Variants in NELL1 observed in about 807,000 individuals in gnomAD.
NELL1 encodes neural EGFL like 1, also known as protein kinase C-binding protein NELL1.
NELL1 carries 76 observed loss-of-function variants against 107.4 expected under a neutral mutation model. The observed-to-expected ratio is 0.71, with a 90% CI of 0.59 to 0.86. NELL1 has a LOEUF of 0.86. Ranked by LOEUF, NELL1 falls within the 40% of genes least tolerant of loss-of-function variation. NELL1 has a pLI of 0.00. For missense variants in NELL1, 1,024 were observed against 1,005.5 expected (o/e 1.02, Z -0.25); for synonymous variants, 353 against 341.2 (o/e 1.03, Z -0.38).
At chr11:21,419,465 A>T (rs1049819878) in intron 15 of NELL1, among the ~76,000 whole-genome samples, 64 of 152,272 alleles carry the variant, frequency 4.2e-4, no homozygotes, top group African/African-American at 1.3e-3. Context: ...TTTAGGGGTC[A>T]CGGAAATAGA....
At chr11:21,203,885 A>C (rs566465332) in intron 13 of NELL1, among the ~76,000 whole-genome samples, 1 of 152,222 alleles carries the variant, frequency 6.6e-6, no homozygotes, top group African/African-American at 2.4e-5. Flanking sequence ...GTTTGGCTGG[A>C]GATGATCTTC....
chr11:21,188,274 G>A (rs1336546578), intron 13 of NELL1, among the ~76,000 whole-genome samples: 3 of 151,814 alleles, frequency 2.0e-5, no homozygotes, highest in African/African-American at 7.3e-5. Context: ...GCCTGGGGCT[G>A]GGACAGTTCT....
intron 15 of NELL1, among the ~76,000 whole-genome samples, chr11:21,509,247 G>GA (rs1855375124): frequency 1.3e-5 from 2 of 152,006 alleles, no homozygotes; most frequent in African/African-American, 2.4e-5. Context: ...TGGAGCAACA[G>GA]AAAAAAATGT....
chr11:21,542,024 C>A (rs1464548440), intron 16 of NELL1, among the ~76,000 whole-genome samples: 1 of 152,024 alleles, frequency 6.6e-6, no homozygotes, highest in Non-Finnish European at 1.5e-5. Context: ...AGTGAGCAAA[C>A]AAGGGAAAGA....
At chr11:21,036,872 G>T (rs958335017) in intron 12 of NELL1, among the ~76,000 whole-genome samples, 1 of 151,942 alleles carries the variant, frequency 6.6e-6, no homozygotes, top group Non-Finnish European at 1.5e-5. Flanking sequence ...TTAAAAACAT[G>T]AAAAACATTT....
intron 15 of NELL1, among the ~76,000 whole-genome samples, chr11:21,449,712 G>A (rs967053210): frequency 3.3e-5 from 5 of 152,206 alleles, no homozygotes; most frequent in African/African-American, 1.2e-4. Context: ...TTCATTTTGA[G>A]TTCATTTTTG....
intron 10 of NELL1, among the ~76,000 whole-genome samples, chr11:20,939,276 A>G (rs1258194042): frequency 6.6e-6 from 1 of 151,902 alleles, no homozygotes; most frequent in Non-Finnish European, 1.5e-5. Flanking sequence ...CAAGTAGCCA[A>G]AACCTCCCCT....
chr11:21,364,403 T>C (rs1851163678), intron 14 of NELL1, among the ~76,000 whole-genome samples: 1 of 95,482 alleles, frequency 1.0e-5, no homozygotes, highest in Non-Finnish European at 1.8e-5. Context: ...ACAGCAAGAC[T>C]CTGTCTCAAA....
intron 16 of NELL1, among the ~76,000 whole-genome samples, chr11:21,545,530 T>G (rs2133983451): frequency 6.6e-6 from 1 of 152,084 alleles, no homozygotes; most frequent in Middle Eastern, 3.4e-3. Flanking sequence ...TGTAGTGTGG[T>G]TATGGTTTTA....
chr11:21,060,547 T>C (rs1047158948), intron 12 of NELL1, among the ~76,000 whole-genome samples: 2 of 152,316 alleles, frequency 1.3e-5, no homozygotes, highest in Non-Finnish European at 2.9e-5. Context: ...TGTTATATTA[T>C]TGATATCAGC....
rs1276882442 is a variant in NELL1, at chr11:20,960,482, A to G, written c.1222A>G (p.Lys408Glu). 1 of 1,613,976 alleles carries G rather than the reference A, an allele frequency of 6.2e-7. No homozygotes were observed. The highest frequency in any genetic ancestry group is 1.1e-5 in the South Asian group (1 of 91,072). ...TAAATGTGGTGAAAACTCAGAGTGC[A>G]AAAACTGGAATACAAAAGCTACTTG... ...GPKCGENSEC[K>E]NWNTKATCEC... is the part of the protein sequence containing the mutation. Residue 408 changes from lysine (K) to glutamate (E), a missense_variant, in exon 12 of 20, where the codon AAA (lysine) becomes GAA (glutamate). Lys to Glu is a moderately conservative substitution (Grantham distance 56). Transcript: ENST00000357134.
intron 15 of NELL1, among the ~76,000 whole-genome samples, chr11:21,387,025 C>T (rs10766793): frequency 0.5 from 75,436 of 151,534 alleles, 19,133 homozygotes; most frequent in South Asian, 0.65. Flanking sequence ...CCACATTGCT[C>T]GTCTAATTTC....
chr11:20,751,282 G>C (rs11025739), intron 2 of NELL1, among the ~76,000 whole-genome samples: 29,323 of 151,498 alleles, frequency 0.19, 3,026 homozygotes, highest in South Asian at 0.28. Context: ...ATTTTGATTT[G>C]GATTGCATTA....
intron 2 of NELL1, among the ~76,000 whole-genome samples, chr11:20,749,295 T>C (rs1287096194): frequency 6.6e-6 from 1 of 152,092 alleles, no homozygotes; most frequent in Admixed American, 6.6e-5. Flanking sequence ...TCATATTTTT[T>C]CTCTTTTAAA....
chr11:21,502,062 T>C (rs1314455711), intron 15 of NELL1, among the ~76,000 whole-genome samples: 2 of 152,156 alleles, frequency 1.3e-5, no homozygotes, highest in African/African-American at 4.8e-5. Flanking sequence ...AGAAGGCAAA[T>C]CCTAGTGACC....
intron 3 of NELL1, among the ~76,000 whole-genome samples, chr11:20,792,633 CT>C (rs1299742327): frequency 6.6e-6 from 1 of 151,860 alleles, no homozygotes; most frequent in Non-Finnish European, 1.5e-5. Flanking sequence ...TGTCTGCCCC[CT>C]TTTATCTATT....
intron 15 of NELL1, among the ~76,000 whole-genome samples, chr11:21,443,659 A>C (rs1157640454): frequency 6.6e-6 from 1 of 152,010 alleles, no homozygotes; most frequent in Non-Finnish European, 1.5e-5. Flanking sequence ...ATGCTGAGGC[A>C]GGTGGATCAC....
chr11:21,456,324 T>C (rs554136084), intron 15 of NELL1, among the ~76,000 whole-genome samples: 1 of 152,210 alleles, frequency 6.6e-6, no homozygotes, highest in South Asian at 2.1e-4. Flanking sequence ...GTCTGCACTT[T>C]CACTGATCTG....
chr11:21,482,866 T>G (rs1854528080), intron 15 of NELL1, among the ~76,000 whole-genome samples: 1 of 152,224 alleles, frequency 6.6e-6, no homozygotes, highest in Non-Finnish European at 1.5e-5. Context: ...GCATTAAAAT[T>G]GAAACAAAAC....
Sources: allele counts gnomAD v4.1 joint callset (sites outside exome capture counted in the v4.1 genomes callset), GRCh38; gene constraint gnomAD v4.1.1; transcripts MANE v1.5; gene names NCBI Gene and HGNC (gene_info 2026-07-23, HGNC 2026-07-21).